Variants in MSI2 observed in about 807,000 individuals in gnomAD.
MSI2 encodes musashi RNA binding protein 2.
A neutral mutation model predicts 45.6 loss-of-function variants in MSI2; 17 were observed. The observed-to-expected ratio is 0.37, with a 90% confidence interval of 0.26 to 0.56. The LOEUF (loss-of-function observed/expected upper bound fraction) is 0.56. Among genes scored for constraint, MSI2 ranks in the 20% least tolerant of loss-of-function variants. MSI2 has a pLI of 0.77. For missense variants in MSI2, 293 were observed against 444.2 expected (o/e 0.66, Z 3.06); for synonymous variants, 156 against 158.2 (o/e 0.99, Z 0.11).
At chr17:57,340,759 A>C (rs920914170) in intron 5 of MSI2, among the ~76,000 whole-genome samples, 2 of 152,150 alleles carry the variant, frequency 1.3e-5, no homozygotes, top group Non-Finnish European at 2.9e-5. Context: ...TGGGGTAGAC[A>C]TGGGATTGGG....
intron 10 of MSI2, chr17:57,632,929 C>A (rs886416477): frequency 6.6e-6 from 7 of 1,058,004 alleles, no homozygotes; most frequent in Non-Finnish European, 8.0e-6. Flanking sequence ...TTTTATTTTC[C>A]TGCAGGCTTT....
intron 7 of MSI2, among the ~76,000 whole-genome samples, chr17:57,562,319 C>T (rs892670259): frequency 2.6e-5 from 4 of 152,162 alleles, no homozygotes; most frequent in African/African-American, 4.8e-5. Flanking sequence ...TTTCTAAGAC[C>T]GTACTTCCCA....
intron 7 of MSI2, among the ~76,000 whole-genome samples, chr17:57,585,239 T>C (rs2088315370): frequency 6.6e-6 from 1 of 152,222 alleles, no homozygotes; most frequent in South Asian, 2.1e-4. Context: ...CATGAACATC[T>C]GCCTTACAGA....
At chr17:57,689,112 A>G (rs1437251068), downstream of MSI2, among the ~76,000 whole-genome samples, 1 of 152,112 alleles carries the variant, frequency 6.6e-6, no homozygotes, top group Non-Finnish European at 1.5e-5. Context: ...TTAGCTGTCT[A>G]AAAAAGGGAA....
At chr17:57,615,523 C>T (rs1907602643) in intron 8 of MSI2, among the ~76,000 whole-genome samples, 1 of 152,122 alleles carries the variant, frequency 6.6e-6, no homozygotes, top group Non-Finnish European at 1.5e-5. Flanking sequence ...AATCAGATGG[C>T]CTGGCATGAA....
At chr17:57,633,836 T>C (rs890018526) in intron 10 of MSI2, among the ~76,000 whole-genome samples, 3 of 152,182 alleles carry the variant, frequency 2.0e-5, no homozygotes, top group Non-Finnish European at 4.4e-5. Flanking sequence ...TTAGAAATAG[T>C]GGGCACTGAT....
chr17:57,648,923 T>G (rs1162833151), intron 10 of MSI2, among the ~76,000 whole-genome samples: 1 of 152,114 alleles, frequency 6.6e-6, no homozygotes, highest in African/African-American at 2.4e-5. Context: ...CAGGCGTCTC[T>G]CCCCTGCATT....
At chr17:57,259,323 C>T (rs2143159336) in intron 4 of MSI2, among the ~76,000 whole-genome samples, 1 of 152,314 alleles carries the variant, frequency 6.6e-6, no homozygotes, top group East Asian at 1.9e-4. Flanking sequence ...AGAAATGGGG[C>T]TCTACTTCCA....
chr17:57,632,283 G>A (rs1010484882), intron 10 of MSI2: 12 of 1,078,400 alleles, frequency 1.1e-5, no homozygotes, highest in Middle Eastern at 8.1e-4. Flanking sequence ...CGTGTCTTAC[G>A]ATGGACAGTG....
At chr17:57,525,609 A>G (rs1386117540) in intron 6 of MSI2, among the ~76,000 whole-genome samples, 1 of 152,106 alleles carries the variant, frequency 6.6e-6, no homozygotes, top group African/African-American at 2.4e-5. Context: ...TTTCATTCAC[A>G]AAGATACACC....
At chr17:57,450,280 AAAGAAAGAAAG>A (rs919217846) in intron 6 of MSI2, 1 of 29,878 alleles carries the variant, frequency 3.3e-5, no homozygotes, top group African/African-American at 7.2e-5. Flanking sequence ...AGAAAGAAAG[AAAGAAAGAAAG>A]AAAGAAAGAA....
Position 57,676,986 on chromosome 17 carries a change from G to A in MSI2, c.946-1G>A. 1 of 1,609,168 alleles carries A rather than the reference G, an allele frequency of 6.2e-7. No individual in the cohort carries two copies. Among genetic ancestry groups the A allele is most frequent in the East Asian group, 2.2e-5 (1 of 44,860 alleles). On this transcript the variant is annotated splice_acceptor_variant, in intron 12 of 13. Coordinates refer to ENST00000284073, the MANE Select transcript of MSI2 (RefSeq NM_138962.4). LOFTEE classifies it high-confidence loss of function. ...TGACCTTAACAATTGTGCAATTTTA[G>A]GGACCTTTGATTGCAACGGCCTTTA...
chr17:57,390,517 G>C (rs2083770749), intron 5 of MSI2, among the ~76,000 whole-genome samples: 1 of 152,226 alleles, frequency 6.6e-6, no homozygotes, highest in Admixed American at 6.5e-5. Context: ...GTGTCAGTGT[G>C]TGGATTAGGT....
At chr17:57,531,098 C>T (rs2086812495) in intron 7 of MSI2, among the ~76,000 whole-genome samples, 1 of 152,206 alleles carries the variant, frequency 6.6e-6, no homozygotes, top group South Asian at 2.1e-4. Flanking sequence ...GAAGGTGGTG[C>T]CCGTGGTGGG....
chr17:57,517,708 C>T (rs2086499116), intron 6 of MSI2, among the ~76,000 whole-genome samples: 1 of 152,150 alleles, frequency 6.6e-6, no homozygotes, highest in South Asian at 2.1e-4. Flanking sequence ...AGGCTGGTAC[C>T]TTCAAAGGGC....
chr17:57,370,262 C>A (rs550804914), intron 5 of MSI2, among the ~76,000 whole-genome samples: 5 of 152,242 alleles, frequency 3.3e-5, no homozygotes, highest in South Asian at 2.1e-4. Flanking sequence ...CGTTTTTAAT[C>A]GAAATATCTT....
intron 8 of MSI2, among the ~76,000 whole-genome samples, chr17:57,597,670 C>G (rs1019627016): frequency 1.3e-5 from 2 of 152,118 alleles, no homozygotes; most frequent in East Asian, 3.9e-4. Flanking sequence ...GTTCTCAATT[C>G]TTGGACTTTA....
At chr17:57,677,396 G>A (rs73994140) in intron 13 of MSI2, among the ~76,000 whole-genome samples, 1,780 of 152,178 alleles carry the variant, frequency 0.012, 45 homozygotes, top group African/African-American at 0.039. Context: ...AGGAGATCTC[G>A]TGCTGTGCCC....
At chr17:57,667,137 G>A (rs1912426861) in intron 11 of MSI2, among the ~76,000 whole-genome samples, 1 of 152,190 alleles carries the variant, frequency 6.6e-6, no homozygotes, top group Non-Finnish European at 1.5e-5. Context: ...CCCCAGGGCT[G>A]CGTGCCCAGC....
Sources: gnomAD v4.1 joint callset for allele counts (sites outside exome capture counted in the v4.1 genomes callset) on GRCh38, gnomAD v4.1.1 for gene constraint, MANE v1.5 for transcripts, NCBI Gene and HGNC (gene_info 2026-07-23, HGNC 2026-07-21) for gene names.